The following EYS variants were observed in gnomAD, a reference collection of about 807,000 sequenced individuals.
EYS encodes protein eyes shut homolog.
Under a neutral mutation model 282.1 loss-of-function variants are expected in EYS, and 250 were observed. The ratio of observed to expected loss-of-function variants is 0.89; its 90% CI spans 0.80 to 0.98. The LOEUF (loss-of-function observed/expected upper bound fraction) is 0.98. EYS is among the 50% of genes least tolerant of loss of function. EYS has a pLI of 0.00. For synonymous variants in EYS, 1,355 were observed against 1,282.9 expected (o/e 1.06, Z -1.20); for missense variants, 4,016 against 3,709.0 (o/e 1.08, Z -2.15).
intron 19 of EYS, among the ~76,000 whole-genome samples, chr6:64,854,036 A>G (rs941990866): frequency 6.6e-6 from 1 of 152,046 alleles, no homozygotes; most frequent in African/African-American, 2.4e-5. Flanking sequence ...AATGCAAATC[A>G]AAACCACAGT....
chr6:64,048,656 T>C (rs1163087843), intron 33 of EYS, among the ~76,000 whole-genome samples: 4 of 152,064 alleles, frequency 2.6e-5, no homozygotes, highest in Admixed American at 6.6e-5. Context: ...TACCTGGAGG[T>C]CTGAAGTATT....
intron 35 of EYS, among the ~76,000 whole-genome samples, chr6:63,875,633 T>A (rs1407165685): frequency 2.0e-5 from 3 of 152,180 alleles, no homozygotes; most frequent in Non-Finnish European, 4.4e-5. Flanking sequence ...CTGTTAATTA[T>A]TGCCTCAATT....
chr6:64,202,673 G>A (rs895648071), intron 31 of EYS, among the ~76,000 whole-genome samples: 4 of 152,156 alleles, frequency 2.6e-5, no homozygotes, highest in African/African-American at 9.7e-5. Context: ...AAAGGACCTT[G>A]CAGATGTAAT....
chr6:64,903,861 C>T (rs1388966966), intron 16 of EYS, among the ~76,000 whole-genome samples: 1 of 152,082 alleles, frequency 6.6e-6, no homozygotes, highest in African/African-American at 2.4e-5. Context: ...CTTGGTGTTA[C>T]ACCTTATAAA....
At chr6:63,755,152 CTGA>C (rs1177227976) in intron 41 of EYS, among the ~76,000 whole-genome samples, 1 of 152,128 alleles carries the variant, frequency 6.6e-6, no homozygotes, top group East Asian at 1.9e-4. Context: ...CCTGTTCACT[CTGA>C]TGATAGTTTC....
At chr6:65,087,224 T>C (rs1774408146) in intron 12 of EYS, among the ~76,000 whole-genome samples, 1 of 152,106 alleles carries the variant, frequency 6.6e-6, no homozygotes, top group Non-Finnish European at 1.5e-5. Context: ...AGATCCCATA[T>C]TTCACTTTAA....
intron 31 of EYS, among the ~76,000 whole-genome samples, chr6:64,126,766 G>T (rs1261948105): frequency 6.6e-6 from 1 of 151,856 alleles, no homozygotes; most frequent in East Asian, 1.9e-4. Flanking sequence ...AGAAACAACT[G>T]ATGGTAATAA....
intron 2 of EYS, among the ~76,000 whole-genome samples, chr6:65,498,142 G>A (rs1010145482): frequency 1.3e-5 from 2 of 152,072 alleles, no homozygotes; most frequent in South Asian, 2.1e-4. Context: ...GCAGTAAGAC[G>A]GCAAGGAAGA....
At chr6:65,540,265 C>G (rs1768113206) in intron 2 of EYS, among the ~76,000 whole-genome samples, 1 of 152,092 alleles carries the variant, frequency 6.6e-6, no homozygotes, top group South Asian at 2.1e-4. Flanking sequence ...ACCTGCCCCA[C>G]TATCTAGTTT....
chr6:65,044,599 C>T (rs1276796866), intron 13 of EYS, among the ~76,000 whole-genome samples: 1 of 151,736 alleles, frequency 6.6e-6, no homozygotes, highest in Admixed American at 6.6e-5. Flanking sequence ...ATTCTGTTTT[C>T]TTCCTTTAAG....
At chr6:65,434,247 A>C (rs573916294) in intron 5 of EYS, among the ~76,000 whole-genome samples, 1 of 151,266 alleles carries the variant, frequency 6.6e-6, no homozygotes, top group African/African-American at 2.4e-5. Context: ...GTGACATAAA[A>C]TTTTGCAGAA....
chr6:64,858,371 A>T (rs1330657448), intron 19 of EYS, among the ~76,000 whole-genome samples: 1 of 152,046 alleles, frequency 6.6e-6, no homozygotes, highest in South Asian at 2.1e-4. Context: ...TCTATTGTGT[A>T]GTCTTGGCAC....
At chr6:65,454,920 T>TGTTGAAGTAAGGTA (rs1344115860) in intron 5 of EYS, among the ~76,000 whole-genome samples, 1 of 152,068 alleles carries the variant, frequency 6.6e-6, no homozygotes, top group Admixed American at 6.6e-5. Flanking sequence ...TTGTAGTGTA[T>TGTTGAAGTAAGGTA]GTTGAAGTAA....
chr6:65,371,633 T>C (rs1765141897), intron 8 of EYS, among the ~76,000 whole-genome samples: 1 of 151,772 alleles, frequency 6.6e-6, no homozygotes, highest in Non-Finnish European at 1.5e-5. Context: ...ATTGAGCCTC[T>C]GGTTAAAAGC....
rs1414252545 is a variant in EYS, at chr6:64,245,547, A to T, written c.6192-14723T>A. On this transcript the variant is annotated intron_variant, in intron 30 of 42. Transcript: ENST00000503581. ...AATCTTCCTCTTTCATTTCTTAAAA[A>T]ATAAGCATAACTTTAAAAAAATTCT... 3.9e-5 allele frequency among the ~76,000 whole-genome samples: 6 copies of T among 152,190 alleles called. No individual in the cohort carries two copies. In the South Asian group the frequency reaches 8.3e-4, roughly 21 times the overall value.
At position 63,806,049 on chromosome 6, in the gene EYS, A is replaced by T. The variant is rs1582225162; in HGVS notation, c.7411+141T>A. ...CTAAGTACTTTGGACTACAGCGAAC[A>T]TGCTCAAGGCAGAAAACAGGAGGAG... On this transcript the variant is annotated intron_variant, in intron 37 of 42. Transcript: ENST00000503581. 2.5e-5 allele frequency: 17 copies of T among 677,296 alleles called. No homozygotes were observed. In the East Asian group the frequency reaches 4.7e-4, roughly 19 times the overall value. The allele number at this position is 677,296 out of a possible 1,614,324, so 42.0% of individuals were successfully genotyped here.
At chr6:65,248,142 G>C (rs1309813832) in intron 12 of EYS, among the ~76,000 whole-genome samples, 1 of 151,960 alleles carries the variant, frequency 6.6e-6, no homozygotes, top group Admixed American at 6.6e-5. Context: ...TCCCCAGAGA[G>C]CTCTCAGACA....
chr6:63,943,985 G>A (rs933194534), intron 35 of EYS, among the ~76,000 whole-genome samples: 2 of 152,156 alleles, frequency 1.3e-5, no homozygotes, highest in Non-Finnish European at 2.9e-5. Context: ...CATCTAGTTG[G>A]AATGCCAACA....
chr6:63,760,690 ATCT>A (rs1769615266), intron 41 of EYS, among the ~76,000 whole-genome samples: 1 of 146,504 alleles, frequency 6.8e-6, no homozygotes. Context: ...CTATCTATCT[ATCT>A]ATCTATCTAA....
Sources: gnomAD v4.1 joint callset for allele counts (sites outside exome capture counted in the v4.1 genomes callset) on GRCh38, gnomAD v4.1.1 for gene constraint, MANE v1.5 for transcripts, NCBI Gene and HGNC (gene_info 2026-07-23, HGNC 2026-07-21) for gene names.